The following KIF21B variants were observed in gnomAD, a reference collection of about 807,000 sequenced individuals.
The protein encoded by KIF21B is kinesin family member 21B, also known as kinesin-like protein KIF21B.
In KIF21B, 85 loss-of-function variants were observed where a neutral mutation model predicts 192.9. The ratio of observed to expected loss-of-function variants is 0.44; its 90% confidence interval spans 0.37 to 0.53. KIF21B has a LOEUF of 0.53. Ranked by LOEUF, KIF21B falls within the 20% of genes least tolerant of loss-of-function variation. KIF21B has a pLI of 0.00. For missense variants in KIF21B, 1,716 were observed against 2,194.8 expected, an observed-to-expected ratio of 0.78 and a Z score of 4.36; for synonymous variants, 832 against 884.6, an observed-to-expected ratio of 0.94 and a Z score of 1.05.
chr1:201,019,986 G>C (rs1658726462), intron 1 of KIF21B, among the ~76,000 whole-genome samples: 1 of 152,156 alleles, frequency 6.6e-6, no homozygotes, highest in East Asian at 1.9e-4. Context: ...AACCCAAATG[G>C]GAGAGGGCTG....
chr1:201,009,052 C>G (rs1658082443), intron 2 of KIF21B, 101 bp from the exon 3 acceptor site: 9 of 1,377,104 alleles, frequency 6.5e-6, no homozygotes, highest in African/African-American at 1.4e-5. Flanking sequence ...ACCTCCCAGC[C>G]CGGTTCCCCT....
rs567358017 is a variant in KIF21B at position 200,983,039 on chromosome 1, A to G, written c.3842+17T>C. ...GTGAGAGTGGGGAACCAAACACGAG[A>G]GACATTCTGTGTGTACCTCAGGACC... On this transcript the variant is annotated intron_variant, in intron 28 of 34. Transcript: ENST00000461742. The G allele has an allele frequency of 1.3e-6, 2 of 1,535,544 alleles. No individual in the cohort carries two copies. The highest frequency in any genetic ancestry group is 4.9e-5 in the East Asian group (2 of 40,912).
At position 200,983,041 on chromosome 1, in the gene KIF21B, A is replaced by G; in HGVS notation, c.3842+15T>C. 6.5e-7 allele frequency: 1 copy of G among 1,535,728 alleles called. No individual in the cohort carries two copies. The highest frequency in any genetic ancestry group is 8.7e-7 in the Non-Finnish European group (1 of 1,146,566). ...GAGAGTGGGGAACCAAACACGAGAG[A>G]CATTCTGTGTGTACCTCAGGACCTC... On this transcript the variant is annotated intron_variant, in intron 28 of 34. Coordinates refer to ENST00000461742, the MANE Select transcript of KIF21B (RefSeq NM_001252102.2).
chr1:201,009,155 G>T, intron 2 of KIF21B, 111 bp downstream of exon 2: 1 of 1,212,688 alleles, frequency 8.2e-7, no homozygotes, highest in Non-Finnish European at 1.2e-6. Context: ...TTAGACAATA[G>T]ACAAAACCCT....
At chr1:201,019,925 T>C (rs1658724655) in intron 1 of KIF21B, among the ~76,000 whole-genome samples, 1 of 152,202 alleles carries the variant, frequency 6.6e-6, no homozygotes, top group Non-Finnish European at 1.5e-5. Context: ...AGACAGTCAT[T>C]GACCAAGATT....
At chr1:201,008,312 A>C (rs1046966195) in intron 3 of KIF21B, among the ~76,000 whole-genome samples, 3 of 152,180 alleles carry the variant, frequency 2.0e-5, no homozygotes, top group Non-Finnish European at 4.4e-5. Flanking sequence ...GAGAAGACTC[A>C]GGGGGCCAGG....
At chr1:201,007,337 CAG>C (rs1260614521) in intron 3 of KIF21B, among the ~76,000 whole-genome samples, 1 of 104,550 alleles carries the variant, frequency 9.6e-6, no homozygotes, top group Non-Finnish European at 2.0e-5. Context: ...GACACACACA[CAG>C]ACACAGAGAC....
At chr1:201,005,864 G>C (rs935546006) in intron 3 of KIF21B, among the ~76,000 whole-genome samples, 170 bp from the exon 4 acceptor site, 1 of 152,212 alleles carries the variant, frequency 6.6e-6, no homozygotes, top group Non-Finnish European at 1.5e-5. Flanking sequence ...GGAGACAGCT[G>C]GGCCCTGGGC....
chr1:200,975,376 G>A lies in KIF21B; in HGVS notation c.4614+123C>T, dbSNP rs571820667. ...GAAGAGGGAGAACAGGAGGGCTTGGGGAGCTGTGAAAACCATCTGGCCTGG... is the reference window on the plus strand; with the variant it reads ...GAAGAGGGAGAACAGGAGGGCTTGGAGAGCTGTGAAAACCATCTGGCCTGG... On this transcript the variant is annotated intron_variant, in intron 33 of 34. Transcript: ENST00000461742. This position sits in a 1 kb window ranked among gnomAD's most constrained non-coding sequence, Gnocchi z 4.3. 170 of 806,902 alleles carry A rather than the reference G, an allele frequency of 2.1e-4. 2 individuals carry two copies. In the African/African-American group the frequency reaches 2.8e-3, roughly 13 times the overall value. 50.0% of individuals were successfully genotyped at this position (806,902 alleles called of 1,614,324 possible). A position where few individuals can be genotyped will look rare whatever the true frequency, so the allele number is the denominator to read the frequency against.
chr1:200,983,214 A>G, intron 27 of KIF21B, 120 bp from the exon 28 acceptor site: 2 of 810,074 alleles, frequency 2.5e-6, no homozygotes. Context: ...CCAGCGGAGC[A>G]GAGACAGGCA....
intron 29 of KIF21B, 84 bp from the exon 30 acceptor site, chr1:200,979,799 A>G (rs1358176741): frequency 5.0e-6 from 6 of 1,210,758 alleles, no homozygotes; most frequent in Non-Finnish European, 6.7e-6. Context: ...GGGGCTGCCC[A>G]GGATAGGGGA....
intron 1 of KIF21B, among the ~76,000 whole-genome samples, chr1:201,012,286 G>C (rs981143021): frequency 3.9e-5 from 6 of 152,172 alleles, no homozygotes; most frequent in African/African-American, 2.4e-5. Context: ...TGGGAGACAG[G>C]GGGGCATGGA....
At position 201,000,042 on chromosome 1, in the gene KIF21B, C is replaced by A; in HGVS notation, c.1686-78G>T. On this transcript the variant is annotated intron_variant, in intron 11 of 34. Coordinates refer to ENST00000461742, the MANE Select transcript of KIF21B (RefSeq NM_001252102.2). This position sits in a 1 kb window ranked among gnomAD's most constrained non-coding sequence, Gnocchi z 6.0. Reference sequence around the variant, plus strand: ...CACATGGGCAGGACGGCGGCAGCGGCAGAAAAGGAAGGCTCTCACCAGAGG... The same window carrying A: ...CACATGGGCAGGACGGCGGCAGCGGAAGAAAAGGAAGGCTCTCACCAGAGG... The A allele has an allele frequency of 7.5e-7, 1 of 1,330,994 alleles. No homozygotes were observed. Among genetic ancestry groups the A allele is most frequent in the Non-Finnish European group, 1.1e-6 (1 of 930,612 alleles). The allele number at this position is 1,330,994 out of a possible 1,614,324, so 82.4% of individuals were successfully genotyped here.
At position 200,988,824 on chromosome 1, in the gene KIF21B, C is replaced by G; in HGVS notation, c.3240G>C (p.Leu1080=). ...CGGGGTGAGCTTCAGCCTTCTCACGCAGGGCGTCCAGGAGCAGATGGTTCT... is the reference window on the plus strand; with the variant it reads ...CGGGGTGAGCTTCAGCCTTCTCACGGAGGGCGTCCAGGAGCAGATGGTTCT... The part of the protein sequence containing the change: ...SSQNHLLLDA[L]REKAEAHPEL... The change falls in exon 22 of 35, where the codon CTG becomes CTC. Residue 1080 remains leucine, a synonymous_variant. Transcript: ENST00000461742. 6.2e-7 allele frequency: 1 copy of G among 1,613,722 alleles called. No individual in the cohort carries two copies. The highest frequency in any genetic ancestry group is 1.7e-4 in the Middle Eastern group (1 of 6,050).
chr1:201,004,295 T>C, intron 7 of KIF21B, 45 bp downstream of exon 7: 1 of 1,480,584 alleles, frequency 6.8e-7, no homozygotes, highest in Non-Finnish European at 9.2e-7. Flanking sequence ...TCCAGGAACC[T>C]CCCTGCCTCC....
rs1471463401 is a variant in KIF21B at position 201,000,450 on chromosome 1, C to T, written c.1625G>A (p.Arg542His). Reference sequence around the variant, plus strand: ...CCGCTCCAGGTCCTGCTTGGCCCTGCGGATCACCTCCGAGGCATCCTCCAT... The same window carrying T: ...CCGCTCCAGGTCCTGCTTGGCCCTGTGGATCACCTCCGAGGCATCCTCCAT... ...SSMEDASEVI[R>H]RAKQDLERLK... The change falls in exon 11 of 35, where the codon CGC (arginine) becomes CAC (histidine). Residue 542 changes from arginine to histidine, a missense_variant. Arg to His is a conservative substitution (Grantham distance 29). Around this residue, in one of 3 missense-constraint regions of KIF21B, gnomAD observed 1,087 missense variants for 1,316.6 expected, o/e 0.83. Coordinates refer to ENST00000461742, the MANE Select transcript of KIF21B (RefSeq NM_001252102.2). The surrounding 1 kb of genome is among the most constrained non-coding windows in gnomAD (Gnocchi z 6.0). 5 of 1,580,142 alleles carry T rather than the reference C, an allele frequency of 3.2e-6. No individual in the cohort carries two copies. The highest frequency in any genetic ancestry group is 3.4e-6 in the Non-Finnish European group (4 of 1,165,548).
chr1:200,974,965 A>C (rs1246667595), intron 33 of KIF21B, 52 bp from the exon 34 acceptor site: 13 of 1,568,476 alleles, frequency 8.3e-6, no homozygotes, highest in Non-Finnish European at 1.1e-5. Context: ...GAGGGAGAGA[A>C]CCTGCCCCAG....
In KIF21B at chr1:200,973,243, C is replaced by T. The variant is rs542394406; in HGVS notation, c.*278G>A. 16 of 386,264 alleles carry T rather than the reference C, an allele frequency of 4.1e-5. No homozygotes were observed. The highest frequency in any genetic ancestry group is 2.8e-4 in the Admixed American group (6 of 21,390). 23.9% of individuals were successfully genotyped at this position (386,264 alleles called of 1,614,324 possible). Reference sequence around the variant, plus strand: ...GGTTCAGCAGGAGACAATGTGGCCACGACTGCCAGGAGGGGAACAAGAAGG... The same window carrying T: ...GGTTCAGCAGGAGACAATGTGGCCATGACTGCCAGGAGGGGAACAAGAAGG... On this transcript the variant is annotated 3_prime_UTR_variant, in exon 35 of 35. Coordinates refer to ENST00000461742, the MANE Select transcript of KIF21B (RefSeq NM_001252102.2).
At chr1:201,015,983 C>A (rs1658478018) in intron 1 of KIF21B, among the ~76,000 whole-genome samples, 1 of 152,210 alleles carries the variant, frequency 6.6e-6, no homozygotes, top group Non-Finnish European at 1.5e-5. Context: ...AGGACACATA[C>A]TACCTAGTAC....
Sources: allele counts gnomAD v4.1 joint callset (sites outside exome capture counted in the v4.1 genomes callset), GRCh38; gene constraint gnomAD v4.1.1; regional missense constraint gnomAD v4.1.1; non-coding constraint Gnocchi (gnomAD v3.1); transcripts MANE v1.5; gene names NCBI Gene and HGNC (gene_info 2026-07-23, HGNC 2026-07-21).